The following DNAH5 variants were observed in gnomAD, a reference collection of about 807,000 sequenced individuals.
DNAH5 encodes the protein dynein axonemal heavy chain 5.
DNAH5 carries 372 observed loss-of-function variants against 518.2 expected under a neutral mutation model. The observed-to-expected ratio is 0.72, with a 90% CI of 0.66 to 0.78. The LOEUF is 0.78. Ranked by LOEUF, DNAH5 falls within the 30% of genes least tolerant of loss-of-function variation. DNAH5 has a pLI of 0.00. For missense variants in DNAH5, 5,523 were observed against 5,687.0 expected, an observed-to-expected ratio of 0.97 and a Z score of 0.93; for synonymous variants, 2,039 against 2,025.9, an observed-to-expected ratio of 1.01 and a Z score of -0.17.
intron 32 of DNAH5, among the ~76,000 whole-genome samples, chr5:13,842,782 G>C (rs150742437): frequency 6.6e-6 from 1 of 152,080 alleles, no homozygotes; most frequent in Non-Finnish European, 1.5e-5. Flanking sequence ...AATTTTACAA[G>C]ATTTAGCACC....
chr5:13,746,785 G>A (rs1406476684), intron 65 of DNAH5, among the ~76,000 whole-genome samples: 1 of 151,860 alleles, frequency 6.6e-6, no homozygotes, highest in Non-Finnish European at 1.5e-5. Flanking sequence ...TTTACCCTTG[G>A]CTCATTTTTT....
At chr5:13,995,403 T>C (rs539459187) in intron 1 of DNAH5, among the ~76,000 whole-genome samples, 24 of 152,162 alleles carry the variant, frequency 1.6e-4, no homozygotes, top group Non-Finnish European at 3.1e-4. Context: ...CTCCTTCCAT[T>C]GCACGAGCTT....
At chr5:13,896,855 C>T (rs1446598524) in intron 15 of DNAH5, 1 of 152,150 alleles carries the variant, frequency 6.6e-6, no homozygotes, top group Non-Finnish European at 1.5e-5. Flanking sequence ...AAGAAACTAA[C>T]TTTAATGTGC....
intron 54 of DNAH5, 53 bp from the exon 55 acceptor site, chr5:13,776,759 C>G: frequency 6.3e-7 from 1 of 1,584,436 alleles, no homozygotes. Context: ...GAAAATAGAT[C>G]AAAATGTAGA....
chr5:13,889,054 A>T (rs1276942127), intron 17 of DNAH5, among the ~76,000 whole-genome samples: 1 of 152,236 alleles, frequency 6.6e-6, no homozygotes, highest in Non-Finnish European at 1.5e-5. Flanking sequence ...AGTACTATTC[A>T]AAACCTGATA....
rs540726871 is a variant in DNAH5, at chr5:13,950,333, A to G, written c.13-19089T>C. ...GAGTTTTGCTCTTGTCTGGAGTGCA[A>G]TGGCGTGATCTTGGCTCACTACAAC... On this transcript the variant is annotated intron_variant, in intron 1 of 78. Transcript: ENST00000681290. Among the ~76,000 whole-genome samples, 89 of 151,980 alleles carry G rather than the reference A, an allele frequency of 5.9e-4. 2 individuals carry two copies. The South Asian group carries it at 0.015, about 25-fold the overall frequency.
intron 5 of DNAH5, among the ~76,000 whole-genome samples, chr5:13,920,991 T>C (rs534919361): frequency 2.8e-4 from 42 of 151,438 alleles, no homozygotes; most frequent in African/African-American, 1.0e-3. Flanking sequence ...TTTATTTTTT[T>C]AGTAGTAAAA....
intron 1 of DNAH5, among the ~76,000 whole-genome samples, chr5:13,979,146 C>T (rs547616492): frequency 6.6e-6 from 1 of 152,228 alleles, no homozygotes; most frequent in Non-Finnish European, 1.5e-5. Flanking sequence ...TAGGGCTTTC[C>T]GGCTCACTGT....
intron 78 of DNAH5, among the ~76,000 whole-genome samples, chr5:13,699,005 C>A (rs10055055): frequency 0.48 from 73,664 of 151,904 alleles, 18,417 homozygotes; most frequent in Non-Finnish European, 0.54. Flanking sequence ...CCCCTGTTTG[C>A]GACTCAGCTC....
At chr5:13,884,435 T>C (rs1425982216) in intron 19 of DNAH5, among the ~76,000 whole-genome samples, 3 of 152,272 alleles carry the variant, frequency 2.0e-5, no homozygotes, top group Admixed American at 1.3e-4. Flanking sequence ...CCCTGTGCTG[T>C]GCTCTAGTTC....
At chr5:13,934,162 C>T (rs1193258347) in intron 1 of DNAH5, among the ~76,000 whole-genome samples, 2 of 152,200 alleles carry the variant, frequency 1.3e-5, no homozygotes, top group African/African-American at 4.8e-5. Flanking sequence ...TGCCTCAGAA[C>T]TCAGCCATGT....
At chr5:13,973,415 A>C (rs187945513) in intron 1 of DNAH5, among the ~76,000 whole-genome samples, 1 of 152,266 alleles carries the variant, frequency 6.6e-6, no homozygotes, top group East Asian at 1.9e-4. Context: ...TACAACCACT[A>C]AGTCTTCGAG....
intron 1 of DNAH5, among the ~76,000 whole-genome samples, chr5:13,959,179 T>G (rs1369744340): frequency 1.3e-5 from 2 of 152,200 alleles, no homozygotes; most frequent in African/African-American, 4.8e-5. Flanking sequence ...ACTCCTAACC[T>G]CCAGTGGTCA....
intron 24 of DNAH5, among the ~76,000 whole-genome samples, chr5:13,870,280 A>C (rs867130802): frequency 2.6e-5 from 4 of 152,240 alleles, no homozygotes; most frequent in Middle Eastern, 6.8e-3. Flanking sequence ...TGCTGGCTAT[A>C]AGGACTGCAG....
chr5:13,830,015 C>T lies in DNAH5; in HGVS notation c.6249+11G>A. 3 of 1,608,688 alleles carry T rather than the reference C, an allele frequency of 1.9e-6. No homozygotes were observed. Among genetic ancestry groups the T allele is most frequent in the Non-Finnish European group, 2.5e-6 (3 of 1,176,840 alleles). ...GGCTGAAATTCAGTAGCTTTTCTAGCAGCTCCTTACCATGGTTAAGAAAAG... is the reference window on the plus strand; with the variant it reads ...GGCTGAAATTCAGTAGCTTTTCTAGTAGCTCCTTACCATGGTTAAGAAAAG... On this transcript the variant is annotated intron_variant, in intron 37 of 78. Transcript: ENST00000265104.
Position 13,692,112 on chromosome 5 carries a change from A to G in DNAH5, c.13747T>C (p.Ser4583Pro), listed in dbSNP as rs770287375. The G allele has an allele frequency of 6.2e-6, 10 of 1,614,082 alleles. No individual in the cohort carries two copies. Among genetic ancestry groups the G allele is most frequent in the Non-Finnish European group, 8.5e-6 (10 of 1,179,976 alleles). ...NNTLRDPRFY[S>P]CPIYKKPVRT... Reference sequence around the variant, plus strand: ...ACTGGCTTCTTATAGATGGGACAGGAGTAAAACCGAGGATCTCGTAAAGCT... The same window carrying G: ...ACTGGCTTCTTATAGATGGGACAGGGGTAAAACCGAGGATCTCGTAAAGCT... The change falls in exon 79 of 79, where the codon TCC (serine) becomes CCC (proline). Residue 4583 changes from serine to proline, a missense_variant. By Grantham distance (74) the Ser-to-Pro change is moderately conservative (BLOSUM62 -1). Coordinates refer to ENST00000265104, the MANE Select transcript of DNAH5 (RefSeq NM_001369.3).
rs1333229719 is a variant in DNAH5, at chr5:13,691,630, G to A, written c.*354C>T. 9 of 251,284 alleles carry A rather than the reference G, an allele frequency of 3.6e-5. No individual in the cohort carries two copies. The highest frequency in any genetic ancestry group is 5.1e-5 in the Admixed American group (1 of 19,490). The allele number at this position is 251,284 out of a possible 1,614,324, so 15.6% of individuals were successfully genotyped here. ...AAGAACTTGGCTGTTACCAGGCCAC[G>A]TTAACAGAAGAATAATTCCTCCCAG... On this transcript the variant is annotated 3_prime_UTR_variant, in exon 79 of 79. Coordinates refer to ENST00000265104, the MANE Select transcript of DNAH5 (RefSeq NM_001369.3).
In DNAH5 at chr5:13,814,832, T is replaced by C. The variant is rs746957889; in HGVS notation, c.7003A>G (p.Ile2335Val). The change falls in exon 43 of 79, where the codon ATA (isoleucine) becomes GTA (valine). Residue 2335 changes from isoleucine (I) to valine (V), a missense_variant. This residue lies in a region of DNAH5 where 5,121 missense variants were observed against 5,223.3 expected (regional missense o/e 0.98). Transcript: ENST00000265104. ...GCATCTACTGGACCATCAAGAATTA[T>C]CCAGATATGTTCCCCTAGAATACCC... ...LRAKKGEHIW[I>V]ILDGPVDAIW... The C allele has an allele frequency of 1.2e-6, 2 of 1,613,582 alleles. No homozygotes were observed. Among genetic ancestry groups the C allele is most frequent in the Non-Finnish European group, 1.7e-6 (2 of 1,179,920 alleles).
intron 1 of DNAH5, among the ~76,000 whole-genome samples, chr5:13,940,123 T>C (rs1779324735): frequency 6.6e-6 from 1 of 152,156 alleles, no homozygotes; most frequent in Admixed American, 6.5e-5. Flanking sequence ...GTGTGAATTT[T>C]CCACCCAGAC....
Sources: gnomAD v4.1 joint callset for allele counts (sites outside exome capture counted in the v4.1 genomes callset) on GRCh38, gnomAD v4.1.1 for gene constraint, gnomAD v4.1.1 regional missense constraint, MANE v1.5 for transcripts, NCBI Gene and HGNC (gene_info 2026-07-23, HGNC 2026-07-21) for gene names.